Variants in DOCK5 observed in about 807,000 individuals in gnomAD.
DOCK5 encodes the protein dedicator of cytokinesis 5.
Under a neutral mutation model 251.8 loss-of-function variants are expected in DOCK5, and 142 were observed. The ratio of observed to expected loss-of-function variants is 0.56; its 90% CI spans 0.49 to 0.65. The LOEUF (loss-of-function observed/expected upper bound fraction) is 0.65, where lower values mean the gene tolerates loss of function less well. DOCK5 is among the 30% of genes least tolerant of loss of function. The pLI is 0.00. For synonymous variants in DOCK5, 842 were observed against 835.5 expected (o/e 1.01, Z -0.13); for missense variants, 2,111 against 2,312.3 (o/e 0.91, Z 1.79).
chr8:25,319,757 C>A, intron 15 of DOCK5, 81 bp downstream of exon 15: 1 of 1,050,302 alleles, frequency 9.5e-7, no homozygotes, highest in Non-Finnish European at 1.4e-6. Context: ...CCAAATTATT[C>A]CTACTTTATT....
intron 1 of DOCK5, among the ~76,000 whole-genome samples, chr8:25,239,676 A>T (rs987573714): frequency 6.6e-6 from 1 of 152,168 alleles, no homozygotes; most frequent in African/African-American, 2.4e-5. Flanking sequence ...GTTGAACTCC[A>T]CTGGAATAGC....
In DOCK5 at chr8:25,392,932, A is replaced by T. The variant is rs578140968; in HGVS notation, c.4527+50A>T. ...AGAAAAAAACTTTCTGTTTCCAAAT[A>T]TAATAACAGCCTTTGTTGAATTCCC... On this transcript the variant is annotated intron_variant, in intron 44 of 51. Transcript: ENST00000276440. 2.3e-4 allele frequency: 326 copies of T among 1,447,906 alleles called. 3 individuals are homozygous for T. The South Asian group carries it at 3.5e-3, about 16-fold the overall frequency. 89.7% of individuals were successfully genotyped at this position (1,447,906 alleles called of 1,614,324 possible). A position where few individuals can be genotyped will look rare whatever the true frequency, so the allele number is the denominator to read the frequency against.
intron 1 of DOCK5, among the ~76,000 whole-genome samples, chr8:25,230,828 G>A (rs1426488538): frequency 6.6e-6 from 1 of 152,080 alleles, no homozygotes; most frequent in African/African-American, 2.4e-5. Context: ...TCTAGCCTGG[G>A]TGATGATGTG....
At chr8:25,278,461 C>A in intron 4 of DOCK5, 108 bp from the exon 5 acceptor site, 1 of 1,055,164 alleles carries the variant, frequency 9.5e-7, no homozygotes, top group Non-Finnish European at 1.4e-6. Context: ...TGCCCCCAGG[C>A]CTAACCAGCT....
intron 40 of DOCK5, among the ~76,000 whole-genome samples, chr8:25,385,427 A>T (rs1479437278): frequency 6.6e-6 from 1 of 152,118 alleles, no homozygotes; most frequent in Non-Finnish European, 1.5e-5. Context: ...CAGCCATCTG[A>T]TGATTGATGG....
intron 1 of DOCK5, among the ~76,000 whole-genome samples, chr8:25,228,762 A>T (rs1293887276): frequency 6.6e-6 from 1 of 151,916 alleles, no homozygotes; most frequent in Non-Finnish European, 1.5e-5. Context: ...ATTCTTCCAG[A>T]TATATTTTAT....
At chr8:25,337,028 T>G (rs1563206440) in intron 22 of DOCK5, among the ~76,000 whole-genome samples, 1 of 152,062 alleles carries the variant, frequency 6.6e-6, no homozygotes, top group Non-Finnish European at 1.5e-5. Context: ...AAAAATAAAA[T>G]TAAAGGCAAA....
intron 1 of DOCK5, among the ~76,000 whole-genome samples, chr8:25,191,768 T>TTATA (rs10660994): frequency 7.3e-5 from 11 of 150,516 alleles, no homozygotes; most frequent in South Asian, 4.2e-4. Flanking sequence ...TTTTTTAAAA[T>TTATA]TATATATATA....
intron 27 of DOCK5, among the ~76,000 whole-genome samples, chr8:25,357,747 A>G (rs1458706904): frequency 1.3e-5 from 2 of 152,144 alleles, no homozygotes; most frequent in African/African-American, 4.8e-5. Flanking sequence ...AGACATGGAC[A>G]GTCTTTCATT....
intron 25 of DOCK5, among the ~76,000 whole-genome samples, chr8:25,344,836 G>C (rs565811543): frequency 6.6e-6 from 1 of 152,344 alleles, no homozygotes; most frequent in Non-Finnish European, 1.5e-5. Flanking sequence ...AGAAGAGCAA[G>C]CATGCACTGG....
At chr8:25,244,366 A>G (rs1360448906) in intron 2 of DOCK5, among the ~76,000 whole-genome samples, 1 of 152,206 alleles carries the variant, frequency 6.6e-6, no homozygotes, top group Non-Finnish European at 1.5e-5. Flanking sequence ...ACTCCACTGC[A>G]GGCTTCCAAC....
chr8:25,390,139 CAG>C (rs1801231848), intron 41 of DOCK5, 65 bp from the exon 42 acceptor site: 4 of 1,391,408 alleles, frequency 2.9e-6, no homozygotes, highest in East Asian at 5.0e-5. Flanking sequence ...GCAGGAGGAA[CAG>C]GGGTGTTTGG....
intron 13 of DOCK5, among the ~76,000 whole-genome samples, chr8:25,314,931 C>A (rs929827215): frequency 6.7e-6 from 1 of 150,260 alleles, no homozygotes; most frequent in African/African-American, 2.4e-5. Context: ...TTGTCACTAC[C>A]CAAATTGGAG....
At position 25,332,698 on chromosome 8, in the gene DOCK5, CAGTT is replaced by C. The variant is rs774132158; in HGVS notation, c.2091+8_2091+11del. 6.2e-7 allele frequency: 1 copy of C among 1,601,808 alleles called. No homozygotes were observed. Among genetic ancestry groups the C allele is most frequent in the South Asian group, 1.1e-5 (1 of 88,966 alleles). On this transcript the variant is annotated splice_region_variant and intron_variant, in intron 20 of 51. Transcript: ENST00000276440. ...TCCTTGTGTTTGACGCACTGGTAAGCAGTTAAACATATTAACTAGTGTTTATTGT... is the reference window on the plus strand; with the variant it reads ...TCCTTGTGTTTGACGCACTGGTAAGCAAACATATTAACTAGTGTTTATTGT...
chr8:25,254,916 G>T (rs1045705676), intron 2 of DOCK5, among the ~76,000 whole-genome samples: 1 of 151,694 alleles, frequency 6.6e-6, no homozygotes, highest in African/African-American at 2.4e-5. Context: ...CCTCGCTAAG[G>T]AAGATATATA....
At chr8:25,367,666 T>G (rs1554498867) in intron 31 of DOCK5, among the ~76,000 whole-genome samples, 1 of 152,212 alleles carries the variant, frequency 6.6e-6, no homozygotes, top group Non-Finnish European at 1.5e-5. Flanking sequence ...CAGCAAAGTA[T>G]TTTTTGCTCC....
intron 8 of DOCK5, among the ~76,000 whole-genome samples, chr8:25,299,796 A>C (rs1804713834): frequency 6.6e-6 from 1 of 152,196 alleles, no homozygotes; most frequent in African/African-American, 2.4e-5. Flanking sequence ...AGCAGCTAAG[A>C]AAATGGAGAA....
chr8:25,186,245 C>G (rs920080509), intron 1 of DOCK5, among the ~76,000 whole-genome samples: 13 of 151,528 alleles, frequency 8.6e-5, no homozygotes, highest in African/African-American at 2.4e-4. Flanking sequence ...TCCCTCAATT[C>G]AAAAGACATT....
chr8:25,254,773 C>CAAAAAAAAAAAAAAAAAAAAAAAA lies in DOCK5; in HGVS notation c.127+11025_127+11026insAAAAAAAAAAAAAAAAAAAAAAAA, dbSNP rs745860086. 6.1e-4 allele frequency among the ~76,000 whole-genome samples: 4 copies of CAAAAAAAAAAAAAAAAAAAAAAAA among 6,566 alleles called. 2 individuals are homozygous for CAAAAAAAAAAAAAAAAAAAAAAAA. Among genetic ancestry groups the CAAAAAAAAAAAAAAAAAAAAAAAA allele is most frequent in the Non-Finnish European group, 1.1e-3 (4 of 3,534 alleles). The allele number at this position is 6,566 out of a possible 152,430, so 4.3% of individuals were successfully genotyped here. A position where few individuals can be genotyped will look rare whatever the true frequency, so the allele number is the denominator to read the frequency against. On this transcript the variant is annotated intron_variant, in intron 2 of 51. Coordinates refer to ENST00000276440, the MANE Select transcript of DOCK5 (RefSeq NM_024940.8). The stretch of plus-strand genomic sequence containing the variant: ...CTGGCGACAAAGCAAGACTTTGTCT[C>CAAAAAAAAAAAAAAAAAAAAAAAA]AAAAAAAAACAAAACAAAACAAAAA...
Sources: allele counts gnomAD v4.1 joint callset (sites outside exome capture counted in the v4.1 genomes callset), GRCh38; gene constraint gnomAD v4.1.1; transcripts MANE v1.5; gene names NCBI Gene and HGNC (gene_info 2026-07-23, HGNC 2026-07-21).